FLT4: variants seen among roughly 807,000 people sequenced by gnomAD.
FLT4 encodes the protein vascular endothelial growth factor receptor 3.
In FLT4, 30 loss-of-function variants were observed where a neutral mutation model predicts 163.2. The observed-to-expected ratio is 0.18, with a 90% CI of 0.14 to 0.25. The LOEUF is 0.25. FLT4 is among the 10% of genes least tolerant of loss of function. The pLI, the probability that FLT4 is intolerant of heterozygous loss-of-function variation, is 1.00. For synonymous variants in FLT4, 884 were observed against 789.5 expected, an observed-to-expected ratio of 1.12 and a Z score of -2.01; for missense variants, 1,510 against 1,863.8, an observed-to-expected ratio of 0.81 and a Z score of 3.50.
At chr5:180,605,310 A>G (rs1761730699) in intron 29 of FLT4, among the ~76,000 whole-genome samples, 1 of 152,166 alleles carries the variant, frequency 6.6e-6, no homozygotes, top group Non-Finnish European at 1.5e-5. Flanking sequence ...GTCTGCTGTC[A>G]GTTGTATCAT....
chr5:180,616,865 T>C (rs776827767), intron 22 of FLT4, 35 bp downstream of exon 22: 3 of 1,542,056 alleles, frequency 1.9e-6, no homozygotes, highest in South Asian at 1.1e-5. Context: ...GGATGCACCC[T>C]TTTCCCGTCT....
At chr5:180,629,462 C>A in intron 6 of FLT4, 35 bp from the exon 7 acceptor site, 2 of 1,606,500 alleles carry the variant, frequency 1.2e-6, no homozygotes, top group South Asian at 2.2e-5. Context: ...CGTCAGCAGG[C>A]GGGCTCCTGC....
At chr5:180,629,043 C>T (rs1215768464) in intron 7 of FLT4, 44 bp from the exon 8 acceptor site, 8 of 1,553,388 alleles carry the variant, frequency 5.2e-6, no homozygotes, top group Middle Eastern at 1.7e-4. Flanking sequence ...ACTGACCCGT[C>T]GTGGACTGAC....
intron 12 of FLT4, among the ~76,000 whole-genome samples, 165 bp from the exon 13 acceptor site, chr5:180,622,069 T>C (rs943881441): frequency 6.9e-6 from 1 of 145,110 alleles, no homozygotes; most frequent in East Asian, 2.2e-4. Context: ...TCATCAGGAG[T>C]TCCTTGTCAC....
intron 29 of FLT4, among the ~76,000 whole-genome samples, chr5:180,606,436 G>A (rs188950508): frequency 1.8e-4 from 28 of 152,244 alleles, no homozygotes; most frequent in African/African-American, 5.5e-4. Context: ...CTCCTCTCAC[G>A]GGACGGCCCT....
In FLT4 at chr5:180,631,296, A is replaced by G. The variant is rs948996082; in HGVS notation, c.155+386T>C. On this transcript the variant is annotated intron_variant, in intron 2 of 29. Transcript: ENST00000261937. ...AGACCATCCTGCTTAACACGGTGAAACCCCGTCTCTACTACAAATACAAAA... is the reference window on the plus strand; with the variant it reads ...AGACCATCCTGCTTAACACGGTGAAGCCCCGTCTCTACTACAAATACAAAA... 9.2e-5 allele frequency among the ~76,000 whole-genome samples: 14 copies of G among 151,566 alleles called. No homozygotes were observed. In the East Asian group the frequency reaches 9.7e-4, roughly 10 times the overall value.
intron 23 of FLT4, among the ~76,000 whole-genome samples, 173 bp from the exon 24 acceptor site, chr5:180,614,352 C>T (rs1296748383): frequency 1.4e-5 from 2 of 147,032 alleles, no homozygotes; most frequent in Non-Finnish European, 3.0e-5. Context: ...GCTCTGGCAC[C>T]CCCTAACAGG....
intron 1 of FLT4, among the ~76,000 whole-genome samples, chr5:180,639,388 TGGATGGATGGAC>T (rs879723105): frequency 0.012 from 1,747 of 147,876 alleles, 50 homozygotes; most frequent in South Asian, 0.021. Flanking sequence ...GGTGGATGGA[TGGATGGATGGAC>T]GGATGGATGA....
chr5:180,616,547 A>T, intron 22 of FLT4, 58 bp from the exon 23 acceptor site: 1 of 1,600,056 alleles, frequency 6.2e-7, no homozygotes, highest in Non-Finnish European at 8.5e-7. Context: ...GGTAATACCC[A>T]CACCCGAAAC....
chr5:180,644,735 G>A (rs1765385215), intron 1 of FLT4, among the ~76,000 whole-genome samples: 1 of 152,266 alleles, frequency 6.6e-6, no homozygotes, highest in African/African-American at 2.4e-5. Context: ...TGCCGGACAC[G>A]CCACATCTGT....
At chr5:180,629,098 C>A in intron 7 of FLT4, 99 bp from the exon 8 acceptor site, 13 of 1,445,660 alleles carry the variant, frequency 9.0e-6, no homozygotes, top group Non-Finnish European at 1.9e-6. Context: ...AGCCGGACAT[C>A]CGCAGACTGG....
Position 180,620,135 on chromosome 5 carries a change from C to T in FLT4, c.2542+38G>A. The T allele has an allele frequency of 6.3e-7, 1 of 1,590,868 alleles. No homozygotes were observed. The highest frequency in any genetic ancestry group is 1.1e-5 in the South Asian group (1 of 90,328). On this transcript the variant is annotated intron_variant, in intron 17 of 29. Transcript: ENST00000261937. This position sits in a 1 kb window ranked among gnomAD's most constrained non-coding sequence, Gnocchi z 4.4. ...TCCGGCCTGCAGCAGGTGGGTCGGG[C>T]AGGAGGTGTGGGTTGGGCAGGCTGG...
chr5:180,618,895 C>A lies in FLT4; in HGVS notation c.2876G>T (p.Arg959Leu). Residue 959 changes from arginine to leucine, a missense_variant, in exon 21 of 30, where the codon CGC becomes CTC. Around this residue, in one of 5 missense-constraint regions of FLT4, gnomAD observed 878 missense variants for 1,016.7 expected, o/e 0.86. Transcript: ENST00000261937. ...GGCGAGCTCCACCATGGCGCGGAAG[C>A]GTCCGCGCTGCTCGGGAGACTTCTC... The part of the protein sequence containing the change: ...CAEKSPEQRG[R>L]FRAMVELARL... 6.3e-7 allele frequency: 1 copy of A among 1,587,116 alleles called. No individual in the cohort carries two copies. Among genetic ancestry groups the A allele is most frequent in the Non-Finnish European group, 8.6e-7 (1 of 1,167,612 alleles).
At chr5:180,629,081 C>A in intron 7 of FLT4, 82 bp from the exon 8 acceptor site, 1 of 1,466,718 alleles carries the variant, frequency 6.8e-7, no homozygotes, top group Non-Finnish European at 9.5e-7. Flanking sequence ...GCCCCTGCAG[C>A]CCCGGCAGCC....
chr5:180,619,585 C>T (rs1278018246), intron 18 of FLT4, 80 bp downstream of exon 18: 7 of 1,179,036 alleles, frequency 5.9e-6, no homozygotes, highest in Middle Eastern at 1.9e-4. Context: ...TCTCCCTTCC[C>T]GAGTTGCCGT....
At position 180,601,544 on chromosome 5, in the gene FLT4, T is replaced by C. The variant is rs1408654970; in HGVS notation, c.*1648A>G. On this transcript the variant is annotated 3_prime_UTR_variant, in exon 30 of 30. Transcript: ENST00000261937. ...CAAAGACCGGCATCAGATTTATTAT[T>C]ATCTCTTGTTAAATATTTTCGATCT... The C allele has an allele frequency of 4.3e-6, 1 of 233,232 alleles. No individual in the cohort carries two copies. Among genetic ancestry groups the C allele is most frequent in the Non-Finnish European group, 8.5e-6 (1 of 118,040 alleles). 14.4% of individuals were successfully genotyped at this position (233,232 alleles called of 1,614,324 possible).
At chr5:180,610,669 G>T (rs1393794056) in intron 27 of FLT4, among the ~76,000 whole-genome samples, 1 of 152,110 alleles carries the variant, frequency 6.6e-6, no homozygotes. Context: ...AGGGACTCTT[G>T]GGGACTCACC....
chr5:180,630,817 TG>T lies in FLT4; in HGVS notation c.156-19del. The stretch of plus-strand genomic sequence containing the variant: ...GCTGTCCCCTGGCAGAGGACAGGAG[TG>T]GTCAGGTGGGCCCCAGGGCAGCCCA... On this transcript the variant is annotated intron_variant, in intron 2 of 29. Coordinates refer to ENST00000261937, the MANE Select transcript of FLT4 (RefSeq NM_182925.5). The surrounding 1 kb of genome is among the most constrained non-coding windows in gnomAD (Gnocchi z 6.3). 1 of 1,590,734 alleles carries T rather than the reference TG, an allele frequency of 6.3e-7. No homozygotes were observed. Among genetic ancestry groups the T allele is most frequent in the Non-Finnish European group, 8.5e-7 (1 of 1,173,060 alleles).
chr5:180,634,498 T>C (rs1407978482), intron 1 of FLT4, among the ~76,000 whole-genome samples: 1 of 151,752 alleles, frequency 6.6e-6, no homozygotes, highest in Non-Finnish European at 1.5e-5. Flanking sequence ...GTCAGGAGAT[T>C]GAGACCATCC....
Sources: allele counts gnomAD v4.1 joint callset (sites outside exome capture counted in the v4.1 genomes callset), GRCh38; gene constraint gnomAD v4.1.1; regional missense constraint gnomAD v4.1.1; non-coding constraint Gnocchi (gnomAD v3.1); transcripts MANE v1.5; gene names NCBI Gene and HGNC (gene_info 2026-07-23, HGNC 2026-07-21).